The following SLIT3 variants were observed in gnomAD, a reference collection of about 807,000 sequenced individuals.
SLIT3 encodes slit homolog 3 protein.
A neutral mutation model predicts 184.0 loss-of-function variants in SLIT3; 68 were observed. That is an observed-to-expected ratio of 0.37 (90% CI 0.30 to 0.45). SLIT3 has a LOEUF of 0.45. SLIT3 is among the 20% of genes least tolerant of loss of function. The pLI, the probability that SLIT3 is intolerant of heterozygous loss-of-function variation, is 1.00. For missense variants in SLIT3, 1,707 were observed against 2,026.0 expected, an observed-to-expected ratio of 0.84 and a Z score of 3.02; for synonymous variants, 831 against 828.6, an observed-to-expected ratio of 1.00 and a Z score of -0.05.
intron 4 of SLIT3, among the ~76,000 whole-genome samples, chr5:168,915,109 A>G (rs1015837259): frequency 1.3e-5 from 2 of 152,314 alleles, no homozygotes; most frequent in African/African-American, 4.8e-5. Flanking sequence ...TAAAAGGGGG[A>G]GAATTCAGCT....
At chr5:169,070,500 A>C (rs1242694737) in intron 4 of SLIT3, among the ~76,000 whole-genome samples, 2 of 152,200 alleles carry the variant, frequency 1.3e-5, no homozygotes, top group Non-Finnish European at 2.9e-5. Context: ...AGGGAAAAGC[A>C]AAAGGCAAAC....
At chr5:169,186,733 A>C (rs1269459027) in intron 4 of SLIT3, among the ~76,000 whole-genome samples, 1 of 152,172 alleles carries the variant, frequency 6.6e-6, no homozygotes, top group Non-Finnish European at 1.5e-5. Context: ...AAAAGCAGAA[A>C]ATGGTGAATA....
chr5:169,243,583 T>A (rs76482745), intron 3 of SLIT3, among the ~76,000 whole-genome samples: 12,377 of 152,264 alleles, frequency 0.081, 600 homozygotes, highest in South Asian at 0.12. Flanking sequence ...TGGGTAATAC[T>A]AACTGACGTG....
At chr5:168,774,674 T>A (rs983700370) in intron 12 of SLIT3, among the ~76,000 whole-genome samples, 6 of 152,212 alleles carry the variant, frequency 3.9e-5, no homozygotes, top group African/African-American at 1.4e-4. Context: ...GCACCCTAAG[T>A]GCTTCACTTT....
At chr5:169,140,442 T>C (rs1761682933) in intron 4 of SLIT3, among the ~76,000 whole-genome samples, 1 of 128,066 alleles carries the variant, frequency 7.8e-6, no homozygotes, top group Non-Finnish European at 1.6e-5. Flanking sequence ...ATTGCGCCAT[T>C]GCACTCTGGC....
chr5:169,229,509 G>GA (rs745367243), intron 3 of SLIT3, among the ~76,000 whole-genome samples: 15 of 152,302 alleles, frequency 9.8e-5, no homozygotes, highest in Non-Finnish European at 2.2e-4. Context: ...GAAGAAGCAT[G>GA]CTTCAGCAGC....
chr5:169,176,846 G>A (rs753668656), intron 4 of SLIT3, among the ~76,000 whole-genome samples: 23 of 152,212 alleles, frequency 1.5e-4, no homozygotes, highest in Non-Finnish European at 2.6e-4. Flanking sequence ...TGAAGAACAT[G>A]CCCCTGGTGA....
chr5:169,246,734 C>G (rs1300334971), intron 2 of SLIT3, among the ~76,000 whole-genome samples: 1 of 150,162 alleles, frequency 6.7e-6, no homozygotes, highest in African/African-American at 2.4e-5. Context: ...GCCTGGCCAA[C>G]ATGGTGAAAC....
At chr5:168,863,846 A>C (rs1363339997) in intron 5 of SLIT3, among the ~76,000 whole-genome samples, 1 of 152,164 alleles carries the variant, frequency 6.6e-6, no homozygotes, top group South Asian at 2.1e-4. Context: ...CCGTTCCCCA[A>C]GTTGAGAAGT....
intron 4 of SLIT3, among the ~76,000 whole-genome samples, chr5:169,014,086 T>G (rs758912091): frequency 1.7e-4 from 21 of 121,366 alleles, no homozygotes; most frequent in Non-Finnish European, 1.2e-4. Context: ...CAGAATGTTT[T>G]GTGGGAAGGA....
intron 4 of SLIT3, among the ~76,000 whole-genome samples, chr5:169,115,115 C>G (rs967760987): frequency 6.6e-6 from 1 of 152,188 alleles, no homozygotes; most frequent in Non-Finnish European, 1.5e-5. Context: ...TCCAACTCAG[C>G]CACTTGAAGG....
At chr5:168,774,418 G>A (rs745559887) in intron 12 of SLIT3, 40 bp from the exon 13 acceptor site, 68 of 1,574,722 alleles carry the variant, frequency 4.3e-5, no homozygotes, top group South Asian at 3.8e-4. Context: ...ACTAATCCTG[G>A]TAATTACCTG....
At position 169,193,549 on chromosome 5, in the gene SLIT3, G is replaced by T; in HGVS notation, c.343C>A (p.Arg115Ser). 2 of 1,613,574 alleles carry T rather than the reference G, an allele frequency of 1.2e-6. No individual in the cohort carries two copies. Among genetic ancestry groups the T allele is most frequent in the Admixed American group, 1.7e-5 (1 of 60,012 alleles). The change falls in exon 4 of 36, where the codon CGC becomes AGC. Residue 115 changes from arginine to serine, a missense_variant and splice_region_variant. Transcript: ENST00000519560. ...ACTTGCAGCTTATTCTTGTTCAGGC[G>T]CCTAAAGAGGAAAGAGAATGGAAGG... is the stretch of plus-strand genomic sequence containing the variant. Reference protein sequence around the residue: ...FQDLKQLERLRLNKNKLQVLP... With the variant: ...FQDLKQLERLSLNKNKLQVLP...
chr5:169,174,009 T>C (rs113949898), intron 4 of SLIT3, among the ~76,000 whole-genome samples: 22 of 152,296 alleles, frequency 1.4e-4, no homozygotes, highest in African/African-American at 5.3e-4. Context: ...CTGAGGGTTT[T>C]CTGGTACAAA....
chr5:168,744,441 C>T (rs567956074), intron 20 of SLIT3, among the ~76,000 whole-genome samples: 2 of 152,172 alleles, frequency 1.3e-5, no homozygotes, highest in African/African-American at 4.8e-5. Context: ...ACAGATCTTC[C>T]GTGGAGACAA....
intron 4 of SLIT3, among the ~76,000 whole-genome samples, chr5:169,054,539 A>G (rs1295850541): frequency 6.6e-6 from 1 of 151,942 alleles, no homozygotes; most frequent in East Asian, 1.9e-4. Context: ...TTCTCCTCCG[A>G]TACATCCTCT....
At chr5:169,126,458 C>A (rs1761084380) in intron 4 of SLIT3, among the ~76,000 whole-genome samples, 1 of 152,172 alleles carries the variant, frequency 6.6e-6, no homozygotes, top group Non-Finnish European at 1.5e-5. Context: ...TACCAATTAA[C>A]AAAAGAAGTC....
chr5:168,757,725 G>A (rs552483256), intron 16 of SLIT3, among the ~76,000 whole-genome samples: 3 of 152,266 alleles, frequency 2.0e-5, no homozygotes, highest in Non-Finnish European at 4.4e-5. Flanking sequence ...GTGAGCCACC[G>A]TGCCCAACCC....
At chr5:169,180,222 C>T (rs559949704) in intron 4 of SLIT3, among the ~76,000 whole-genome samples, 153 of 152,212 alleles carry the variant, frequency 1.0e-3, no homozygotes, top group African/African-American at 3.6e-3. Flanking sequence ...GCAGAAGGAA[C>T]AGCAAAGCCA....
Sources: allele counts gnomAD v4.1 joint callset (sites outside exome capture counted in the v4.1 genomes callset), GRCh38; gene constraint gnomAD v4.1.1; transcripts MANE v1.5; gene names NCBI Gene and HGNC (gene_info 2026-07-23, HGNC 2026-07-21).